FLCN: variants seen among roughly 807,000 people sequenced by gnomAD.
FLCN encodes the protein folliculin, also known as BHD skin lesion fibrofolliculoma protein.
Under a neutral mutation model 62.5 loss-of-function variants are expected in FLCN, and 22 were observed. The observed-to-expected ratio is 0.35, with a 90% CI of 0.25 to 0.50. The LOEUF (loss-of-function observed/expected upper bound fraction) is 0.50. Ranked by LOEUF, FLCN falls within the 20% of genes least tolerant of loss-of-function variation. The pLI is 0.97. For missense variants in FLCN, 657 were observed against 778.0 expected (o/e 0.84, Z 1.85); for synonymous variants, 319 against 310.0 (o/e 1.03, Z -0.30).
chr17:17,221,630 T>C lies in FLCN; in HGVS notation c.780-2A>G, dbSNP rs1555609514. ...CGGCTGCCACACGCCTTCAGGAGCC[T>C]GGAGAACACAGCACCAGCTATGAGC... is the stretch of plus-strand genomic sequence containing the variant. On this transcript the variant is annotated splice_acceptor_variant, in intron 7 of 13. Transcript: ENST00000285071. LOFTEE classifies it high-confidence loss of function. 6.2e-7 allele frequency: 1 copy of C among 1,606,962 alleles called. No homozygotes were observed. Among genetic ancestry groups the C allele is most frequent in the Admixed American group, 1.7e-5 (1 of 59,980 alleles).
chr17:17,224,200 A>T, intron 5 of FLCN, 57 bp from the exon 6 acceptor site: 5 of 1,472,722 alleles, frequency 3.4e-6, no homozygotes, highest in Non-Finnish European at 4.6e-6. Context: ...CACCAAATCA[A>T]AGCCTCTTCT....
chr17:17,212,489 A>T lies in FLCN; in HGVS notation c.*1166T>A, dbSNP rs1269174337. The T allele has an allele frequency of 5.9e-6, 1 of 169,182 alleles. No homozygotes were observed. The highest frequency in any genetic ancestry group is 2.4e-5 in the African/African-American group (1 of 41,530). 10.5% of individuals were successfully genotyped at this position (169,182 alleles called of 1,614,324 possible). On this transcript the variant is annotated 3_prime_UTR_variant, in exon 14 of 14. Transcript: ENST00000285071. ...TGCCATCTCTTTAAAAAAAAAAAAA[A>T]AAAAAAAAAAAAGGGCCAGGCACAG... is the stretch of plus-strand genomic sequence containing the variant.
At chr17:17,221,725 T>C (rs2047097114) in intron 7 of FLCN, 97 bp from the exon 8 acceptor site, 1 of 1,365,694 alleles carries the variant, frequency 7.3e-7, no homozygotes, top group Admixed American at 2.0e-5. Context: ...AAAGAAAAAA[T>C]GGGTATAAAA....
At chr17:17,227,452 G>T (rs376826505) in intron 4 of FLCN, among the ~76,000 whole-genome samples, 9 of 152,164 alleles carry the variant, frequency 5.9e-5, no homozygotes, top group Non-Finnish European at 1.2e-4. Context: ...GGTGGCTCAC[G>T]CCTGTAATCT....
chr17:17,228,056 G>T lies in FLCN; in HGVS notation c.82C>A (p.Pro28Thr), dbSNP rs749758787. 1 of 1,613,636 alleles carries T rather than the reference G, an allele frequency of 6.2e-7. No individual in the cohort carries two copies. The highest frequency in any genetic ancestry group is 1.3e-5 in the African/African-American group (1 of 74,938). ...TCATTCCCATCCCCTTGAGGAAGTG[G>T]GGCGTGCAGCACCTCCGTGCAGAAG... ...TLFCTEVLHA[P>T]LPQGDGNEDS... is the part of the protein sequence containing the mutation. The change falls in exon 4 of 14, where the codon CCA (proline) becomes ACA (threonine). Residue 28 changes from proline (P) to threonine (T), a missense_variant. Physicochemically the swap from Pro to Thr is conservative, Grantham distance 38. Coordinates refer to ENST00000285071, the MANE Select transcript of FLCN (RefSeq NM_144997.7).
rs530572650 is a variant in FLCN at position 17,214,958 on chromosome 17, AG to A, written c.1538+26del. 1.1e-4 allele frequency: 181 copies of A among 1,606,814 alleles called. 2 individuals are homozygous for A. The African/African-American group carries it at 1.8e-3, about 16-fold the overall frequency. On this transcript the variant is annotated intron_variant, in intron 13 of 13. Coordinates refer to ENST00000285071, the MANE Select transcript of FLCN (RefSeq NM_144997.7). ...AGGTTTTCTCCAGGGTCGCAAGCAA[AG>A]GGGCCTCACCCACACTGTTGCTTAC...
chr17:17,235,124 A>G (rs1423812178), intron 1 of FLCN, among the ~76,000 whole-genome samples: 2 of 149,480 alleles, frequency 1.3e-5, no homozygotes, highest in Non-Finnish European at 3.0e-5. Context: ...AAAAAAAAAA[A>G]AAAAAAGCCA....
Position 17,221,641 on chromosome 17 carries a change from G to A in FLCN, c.780-13C>T, listed in dbSNP as rs777670469. The A allele has an allele frequency of 1.2e-5, 19 of 1,605,346 alleles. No individual in the cohort carries two copies. Among genetic ancestry groups the A allele is most frequent in the South Asian group, 2.2e-5 (2 of 91,022 alleles). ...CGCCTTCAGGAGCCTGGAGAACACAGCACCAGCTATGAGCGTTCTCGCCAA... is the reference window on the plus strand; with the variant it reads ...CGCCTTCAGGAGCCTGGAGAACACAACACCAGCTATGAGCGTTCTCGCCAA... On this transcript the variant is annotated splice_polypyrimidine_tract_variant and intron_variant, in intron 7 of 13. Coordinates refer to ENST00000285071, the MANE Select transcript of FLCN (RefSeq NM_144997.7).
rs747745989 is a variant in FLCN, at chr17:17,215,096, G to T, written c.1433-6C>A. ...ATTCAGGATGGTGGGGCCCACTGGGGAGAAGGGCAGGGGCAGAGCAAGGGC... is the reference window on the plus strand; with the variant it reads ...ATTCAGGATGGTGGGGCCCACTGGGTAGAAGGGCAGGGGCAGAGCAAGGGC... On this transcript the variant is annotated splice_polypyrimidine_tract_variant and splice_region_variant and intron_variant, in intron 12 of 13. Transcript: ENST00000285071. 1.2e-6 allele frequency: 2 copies of T among 1,614,022 alleles called. No individual in the cohort carries two copies. Among genetic ancestry groups the T allele is most frequent in the Non-Finnish European group, 1.7e-6 (2 of 1,179,972 alleles).
intron 5 of FLCN, 61 bp downstream of exon 5, chr17:17,226,115 C>T (rs1253065101): frequency 6.2e-7 from 1 of 1,604,050 alleles, no homozygotes; most frequent in Non-Finnish European, 8.5e-7. Context: ...CCGAGCCCAC[C>T]CAGAGCACCT....
In FLCN at chr17:17,215,175, G is replaced by C. The variant is rs1216451293; in HGVS notation, c.1432+10C>G. The stretch of plus-strand genomic sequence containing the variant: ...CTCACAAAAAGGACACTCTGCCTGG[G>C]GGCACCCACCTCGGTCTGCAGCTAC... On this transcript the variant is annotated intron_variant, in intron 12 of 13. Coordinates refer to ENST00000285071, the MANE Select transcript of FLCN (RefSeq NM_144997.7). 1 of 1,614,064 alleles carries C rather than the reference G, an allele frequency of 6.2e-7. No individual in the cohort carries two copies. Among genetic ancestry groups the C allele is most frequent in the African/African-American group, 1.3e-5 (1 of 75,028 alleles).
intron 3 of FLCN, chr17:17,228,467 G>C (rs1229230507): frequency 2.6e-6 from 1 of 381,544 alleles, no homozygotes; most frequent in East Asian, 5.0e-5. Context: ...ATGTCCTCAA[G>C]TGACATGAAC....
chr17:17,218,618 G>A (rs2046994027), intron 9 of FLCN, among the ~76,000 whole-genome samples: 1 of 152,070 alleles, frequency 6.6e-6, no homozygotes, highest in Non-Finnish European at 1.5e-5. Flanking sequence ...CTGACCTCGT[G>A]ATCCGCTCCC....
At position 17,212,952 on chromosome 17, in the gene FLCN, T is replaced by C. The variant is rs1197864163; in HGVS notation, c.*703A>G. On this transcript the variant is annotated 3_prime_UTR_variant, in exon 14 of 14. Transcript: ENST00000285071. Reference sequence around the variant, plus strand: ...TATCCAGGGGATTGGGCAAGTCAGATGCTTGCCGACCCCTCAGCAACCTGT... The same window carrying C: ...TATCCAGGGGATTGGGCAAGTCAGACGCTTGCCGACCCCTCAGCAACCTGT... The C allele has an allele frequency of 4.2e-6, 1 of 236,358 alleles. No individual in the cohort carries two copies. The highest frequency in any genetic ancestry group is 8.3e-6 in the Non-Finnish European group (1 of 119,914). 14.6% of individuals were successfully genotyped at this position (236,358 alleles called of 1,614,324 possible). A position where few individuals can be genotyped will look rare whatever the true frequency, so the allele number is the denominator to read the frequency against.
intron 5 of FLCN, chr17:17,225,414 CA>C: frequency 6.5e-6 from 1 of 153,692 alleles, no homozygotes; most frequent in Non-Finnish European, 1.4e-5. Flanking sequence ...CTCATCTCTA[CA>C]AAAAAATTTT....
rs553673947 is a variant in FLCN, at chr17:17,213,872, A to C, written c.1539-16T>G. ...CTTCACTTTGCTGAAGAAAACCAAA[A>C]CAAAACACTCAGACACCACAGCACA... On this transcript the variant is annotated splice_polypyrimidine_tract_variant and intron_variant, in intron 13 of 13. Coordinates refer to ENST00000285071, the MANE Select transcript of FLCN (RefSeq NM_144997.7). 1.9e-5 allele frequency: 30 copies of C among 1,613,552 alleles called. No individual in the cohort carries two copies. The East Asian group carries it at 5.3e-4, about 29-fold the overall frequency.
At position 17,221,019 on chromosome 17, in the gene FLCN, T is replaced by G. The variant is rs890137571; in HGVS notation, c.871+518A>C. 9.4e-6 allele frequency: 5 copies of G among 533,692 alleles called. No homozygotes were observed. In the African/African-American group the frequency reaches 9.5e-5, roughly 10 times the overall value. 33.1% of individuals were successfully genotyped at this position (533,692 alleles called of 1,614,324 possible). ...ATCAAATCATCCCTGATGGAAAGCT[T>G]GGCCAAGACTGGCCCAGTGCTTCCA... On this transcript the variant is annotated intron_variant, in intron 8 of 13. Transcript: ENST00000285071.
rs942763423 is a variant in FLCN at position 17,216,396 on chromosome 17, G to C, written c.1284C>G (p.Pro428=). ...GGCACGCACCTGAGGAGAGCACGTGGGGGGGGATCTGCACGTGCGGGCTGA... is the reference window on the plus strand; with the variant it reads ...GGCACGCACCTGAGGAGAGCACGTGCGGGGGGATCTGCACGTGCGGGCTGA... ...LGLSPHVQIP[P]HVLSSEFAVI... Residue 428 remains proline, a synonymous_variant, in exon 11 of 14, where the codon CCC becomes CCG. Coordinates refer to ENST00000285071, the MANE Select transcript of FLCN (RefSeq NM_144997.7). The surrounding 1 kb of genome is among the most constrained non-coding windows in gnomAD (Gnocchi z 4.0). 5 of 1,613,590 alleles carry C rather than the reference G, an allele frequency of 3.1e-6. No homozygotes were observed. The highest frequency in any genetic ancestry group is 3.3e-5 in the Admixed American group (2 of 59,988).
rs775149348 is a variant in FLCN, at chr17:17,213,758, T to A, written c.1637A>T (p.Asn546Ile). 6.2e-7 allele frequency: 1 copy of A among 1,614,228 alleles called. No homozygotes were observed. Among genetic ancestry groups the A allele is most frequent in the South Asian group, 1.1e-5 (1 of 91,086 alleles). Residue 546 changes from asparagine (N) to isoleucine (I), a missense_variant, in exon 14 of 14, where the codon AAT (asparagine) becomes ATT (isoleucine). Asn to Ile is a moderately radical substitution (Grantham distance 149, BLOSUM62 -3). Transcript: ENST00000285071. ...CATCCAGAACTTCAGCAGCTTGACA[T>A]TGTCCTCCTCGGACGCACCCAGGAT... ...LSILGASEED[N>I]VKLLKFWMTG...
Sources: allele counts gnomAD v4.1 joint callset (sites outside exome capture counted in the v4.1 genomes callset), GRCh38; gene constraint gnomAD v4.1.1; non-coding constraint Gnocchi (gnomAD v3.1); transcripts MANE v1.5; gene names NCBI Gene and HGNC (gene_info 2026-07-23, HGNC 2026-07-21).